FHAD1: variants seen among roughly 807,000 people sequenced by gnomAD.
The protein encoded by FHAD1 is forkhead-associated domain-containing protein 1.
In FHAD1, 146 loss-of-function variants were observed where a neutral mutation model predicts 191.3. The observed-to-expected ratio is 0.76, with a 90% confidence interval of 0.67 to 0.88. The LOEUF is 0.88. Among genes scored for constraint, FHAD1 ranks in the 40% least tolerant of loss-of-function variants. FHAD1 has a pLI of 0.00. For missense variants in FHAD1, 1,635 were observed against 1,785.8 expected, an observed-to-expected ratio of 0.92 and a Z score of 1.52; for synonymous variants, 616 against 672.3, an observed-to-expected ratio of 0.92 and a Z score of 1.29.
chr1:15,343,659 C>T (rs1014224607), intron 16 of FHAD1: 2 of 152,050 alleles, frequency 1.3e-5, no homozygotes, highest in African/African-American at 2.4e-5. Flanking sequence ...ATGTGCAATC[C>T]GCATAAAGGT....
chr1:15,366,535 G>A (rs564895310), intron 24 of FHAD1, among the ~76,000 whole-genome samples: 17 of 152,306 alleles, frequency 1.1e-4, no homozygotes, highest in African/African-American at 4.1e-4. Context: ...GCACAGATTT[G>A]CTTCTGGAAG....
At chr1:15,352,120 C>A (rs1691118255) in intron 19 of FHAD1, among the ~76,000 whole-genome samples, 1 of 152,132 alleles carries the variant, frequency 6.6e-6, no homozygotes, top group African/African-American at 2.4e-5. Flanking sequence ...CAATTCCCCC[C>A]AAAAAACTGT....
At position 15,289,455 on chromosome 1, in the gene FHAD1, T is replaced by C. The variant is rs1467193992; in HGVS notation, c.357T>C (p.Arg119=). 1 of 1,551,636 alleles carries C rather than the reference T, an allele frequency of 6.4e-7. No individual in the cohort carries two copies. The highest frequency in any genetic ancestry group is 8.7e-7 in the Non-Finnish European group (1 of 1,147,004). The change falls in exon 4 of 34, where the codon CGT becomes CGC. Residue 119 remains arginine, a synonymous_variant. Transcript: ENST00000688493. The surrounding 1 kb of genome is among the most constrained non-coding windows in gnomAD (Gnocchi z 4.2). ...PAPWPGPQPP[R]ATQQPNQAPP... is the part of the protein sequence containing the mutation. ...CATGGCCAGGGCCACAGCCACCTCG[T>C]GCCACACAGCAGCCAAACCAGGCCC...
chr1:15,246,102 G>T (rs1190462204), upstream of FHAD1, among the ~76,000 whole-genome samples: 1 of 152,212 alleles, frequency 6.6e-6, no homozygotes, highest in Non-Finnish European at 1.5e-5. Flanking sequence ...AAGGCCAAGG[G>T]GAAGCAAGGA....
intron 4 of FHAD1, among the ~76,000 whole-genome samples, chr1:15,291,249 T>G (rs1194316803): frequency 3.3e-5 from 5 of 151,952 alleles, no homozygotes; most frequent in Non-Finnish European, 5.9e-5. Context: ...GTTCAGCTAA[T>G]TTTTGTATTT....
Position 15,381,212 on chromosome 1 carries a change from G to A in FHAD1, c.3802-19G>A, listed in dbSNP as rs974379829. The A allele has an allele frequency of 1.6e-5, 25 of 1,536,208 alleles. No individual in the cohort carries two copies. Among genetic ancestry groups the A allele is most frequent in the Admixed American group, 3.9e-5 (2 of 50,832 alleles). ...CGGCCGCGGGTAATGCCTCTTATGC[G>A]CGAACGTTTTCCTTGTAGTACCTGG... is the stretch of plus-strand genomic sequence containing the variant. On this transcript the variant is annotated intron_variant, in intron 29 of 33. Transcript: ENST00000688493. This position sits in a 1 kb window ranked among gnomAD's most constrained non-coding sequence, Gnocchi z 4.6.
Position 15,375,639 on chromosome 1 carries a change from T to C in FHAD1, c.3614T>C (p.Leu1205Ser). The C allele has an allele frequency of 2.6e-6, 4 of 1,544,426 alleles. No individual in the cohort carries two copies. Among genetic ancestry groups the C allele is most frequent in the Non-Finnish European group, 3.5e-6 (4 of 1,144,762 alleles). ...KDHQNESFLD[L>S]KNLRMENNVQ... ...CACCAGAATGAATCATTTCTAGATT[T>C]AAAGAACCTCAGAATGGAAAACAAT... is the stretch of plus-strand genomic sequence containing the variant. The change falls in exon 28 of 34, where the codon TTA becomes TCA. Residue 1205 changes from leucine (L) to serine (S), a missense_variant. By Grantham distance (145) the Leu-to-Ser change is moderately radical. Transcript: ENST00000688493.
At chr1:15,377,888 T>C (rs1371938531) in intron 28 of FHAD1, among the ~76,000 whole-genome samples, 1 of 150,270 alleles carries the variant, frequency 6.7e-6, no homozygotes, top group Non-Finnish European at 1.5e-5. Flanking sequence ...ACAGCTGGCA[T>C]TTACTGAGTG....
intron 14 of FHAD1, 38 bp from the exon 15 acceptor site, chr1:15,339,443 A>G (rs1166388881): frequency 1.9e-6 from 2 of 1,043,400 alleles, no homozygotes. Context: ...TTGGAGTTGA[A>G]TTGATACTTA....
chr1:15,355,186 G>T (rs1439828231), intron 20 of FHAD1, among the ~76,000 whole-genome samples: 2 of 150,466 alleles, frequency 1.3e-5, no homozygotes, highest in Non-Finnish European at 2.9e-5. Flanking sequence ...TCCAGCCTGG[G>T]CAATAGAGTG....
chr1:15,334,067 A>T (rs139355532), intron 14 of FHAD1: 1 of 151,940 alleles, frequency 6.6e-6, no homozygotes, highest in African/African-American at 2.4e-5. Flanking sequence ...CCTGGGCTCA[A>T]TCAACCCACT....
intron 3 of FHAD1, among the ~76,000 whole-genome samples, chr1:15,279,822 C>A (rs1166254217): frequency 6.6e-6 from 1 of 152,008 alleles, no homozygotes; most frequent in South Asian, 2.1e-4. Context: ...GGGGATGAGC[C>A]CCATTGTGGG....
In FHAD1 at chr1:15,329,826, A is replaced by C. The variant is rs1680488804; in HGVS notation, c.1906+285A>C. Reference sequence around the variant, plus strand: ...GTCTAATTACGCTGTTTAACCTCCAAGGCATTTTCCCATGGAAATAACCGC... The same window carrying C: ...GTCTAATTACGCTGTTTAACCTCCACGGCATTTTCCCATGGAAATAACCGC... On this transcript the variant is annotated intron_variant, in intron 14 of 33. Transcript: ENST00000688493. The surrounding 1 kb of genome is among the most constrained non-coding windows in gnomAD (Gnocchi z 5.0). 1 of 397,056 alleles carries C rather than the reference A, an allele frequency of 2.5e-6. No homozygotes were observed. 24.6% of individuals were successfully genotyped at this position (397,056 alleles called of 1,614,324 possible). A position where few individuals can be genotyped will look rare whatever the true frequency, so the allele number is the denominator to read the frequency against.
upstream of FHAD1, among the ~76,000 whole-genome samples, chr1:15,246,653 A>AAG (rs1028050023): frequency 6.6e-6 from 1 of 152,186 alleles, no homozygotes; most frequent in Non-Finnish European, 1.5e-5. Context: ...GAAAGGGCAA[A>AAG]AGAATGAATA....
chr1:15,310,736 G>A (rs61780969), intron 7 of FHAD1, among the ~76,000 whole-genome samples: 2,318 of 152,258 alleles, frequency 0.015, 26 homozygotes, highest in Middle Eastern at 0.054. Context: ...GCCGGGTTAC[G>A]CTGCAGTGAC....
chr1:15,326,478 G>A (rs1443655802), intron 11 of FHAD1: 1 of 152,246 alleles, frequency 6.6e-6, no homozygotes, highest in East Asian at 1.9e-4. Context: ...TTAAGGTGAT[G>A]TTTCTGTGTA....
chr1:15,262,662 T>C (rs1224348184), intron 2 of FHAD1, among the ~76,000 whole-genome samples: 1 of 152,232 alleles, frequency 6.6e-6, no homozygotes, highest in Non-Finnish European at 1.5e-5. Context: ...TAACATCCAT[T>C]GTTTGGATGG....
chr1:15,381,313 G>C lies in FHAD1; in HGVS notation c.3884G>C (p.Arg1295Pro). The C allele has an allele frequency of 6.4e-7, 1 of 1,551,526 alleles. No individual in the cohort carries two copies. The highest frequency in any genetic ancestry group is 8.7e-7 in the Non-Finnish European group (1 of 1,146,882). The change falls in exon 30 of 34, where the codon CGC becomes CCC. Residue 1295 changes from arginine to proline, a missense_variant. By Grantham distance (103) the Arg-to-Pro change is moderately radical. Transcript: ENST00000688493. The surrounding 1 kb of genome is among the most constrained non-coding windows in gnomAD (Gnocchi z 4.6). ...CACGTGTCCATGAAATACCTCTCCC[G>C]CCAGGAGAGGGAGAAGGTCAACCAG... is the stretch of plus-strand genomic sequence containing the variant. ...SGHVSMKYLS[R>P]QEREKVNQLR...
At chr1:15,292,247 A>G (rs1177563076) in intron 4 of FHAD1, among the ~76,000 whole-genome samples, 1 of 152,088 alleles carries the variant, frequency 6.6e-6, no homozygotes. Flanking sequence ...TCCCAGGTTC[A>G]AGTGATTCTC....
Sources: allele counts gnomAD v4.1 joint callset (sites outside exome capture counted in the v4.1 genomes callset), GRCh38; gene constraint gnomAD v4.1.1; non-coding constraint Gnocchi (gnomAD v3.1); transcripts MANE v1.5; gene names NCBI Gene and HGNC (gene_info 2026-07-23, HGNC 2026-07-21).